CERS6: variants seen among roughly 807,000 people sequenced by gnomAD.
CERS6 encodes ceramide synthase 6.
CERS6 carries 26 observed loss-of-function variants against 56.8 expected under a neutral mutation model. The ratio of observed to expected loss-of-function variants is 0.46; its 90% CI spans 0.34 to 0.63. CERS6 has a LOEUF of 0.63. Ranked by LOEUF, CERS6 falls within the 30% of genes least tolerant of loss-of-function variation. CERS6 has a pLI of 0.01. For synonymous variants in CERS6, 164 were observed against 173.3 expected (o/e 0.95, Z 0.42); for missense variants, 415 against 467.5 (o/e 0.89, Z 1.04).
At chr2:168,552,696 T>C (rs1695598156) in intron 2 of CERS6, among the ~76,000 whole-genome samples, 1 of 151,964 alleles carries the variant, frequency 6.6e-6, no homozygotes, top group African/African-American at 2.4e-5. Flanking sequence ...GAGGGACACA[T>C]AAAGCCACGT....
intron 3 of CERS6, among the ~76,000 whole-genome samples, chr2:168,622,464 C>T (rs5006439): frequency 0.31 from 47,744 of 151,622 alleles, 8,209 homozygotes; most frequent in South Asian, 0.47. Context: ...GTGTTTAAAA[C>T]ACTACATATA....
intron 1 of CERS6, among the ~76,000 whole-genome samples, chr2:168,511,692 T>C (rs1240707046): frequency 6.6e-6 from 1 of 152,230 alleles, no homozygotes; most frequent in African/African-American, 2.4e-5. Context: ...TGTTGGAACT[T>C]CTCAATTAAT....
chr2:168,757,011 C>G (rs1684432881), intron 8 of CERS6, among the ~76,000 whole-genome samples: 1 of 152,086 alleles, frequency 6.6e-6, no homozygotes, highest in Non-Finnish European at 1.5e-5. Context: ...TAAGTATTAA[C>G]TAGTATTAAT....
At chr2:168,548,440 C>T (rs1300911924) in intron 2 of CERS6, among the ~76,000 whole-genome samples, 1 of 152,130 alleles carries the variant, frequency 6.6e-6, no homozygotes, top group Non-Finnish European at 1.5e-5. Flanking sequence ...AGTTGAAGGC[C>T]ATAGGAAAAT....
chr2:168,550,744 A>G (rs183243286), intron 2 of CERS6, among the ~76,000 whole-genome samples: 1 of 152,208 alleles, frequency 6.6e-6, no homozygotes, highest in African/African-American at 2.4e-5. Context: ...GTGCATTGCA[A>G]CCTCTATGCC....
intron 2 of CERS6, among the ~76,000 whole-genome samples, chr2:168,553,414 A>G (rs1695613311): frequency 6.6e-6 from 1 of 152,212 alleles, no homozygotes; most frequent in Admixed American, 6.5e-5. Flanking sequence ...CTAAAACTTA[A>G]CATTGTTAAA....
chr2:168,542,449 T>C (rs1324842796), intron 1 of CERS6, among the ~76,000 whole-genome samples: 1 of 152,216 alleles, frequency 6.6e-6, no homozygotes, highest in African/African-American at 2.4e-5. Context: ...GAGATTTAAT[T>C]CTATACAATT....
At chr2:168,489,190 A>G (rs959257602) in intron 1 of CERS6, among the ~76,000 whole-genome samples, 1 of 151,924 alleles carries the variant, frequency 6.6e-6, no homozygotes, top group African/African-American at 2.4e-5. Context: ...AGGTTGGTGG[A>G]TTTTTTTCCT....
intron 4 of CERS6, among the ~76,000 whole-genome samples, chr2:168,650,435 A>G (rs917864275): frequency 5.9e-5 from 9 of 152,214 alleles, no homozygotes; most frequent in Non-Finnish European, 1.2e-4. Context: ...TGCTCTGAAC[A>G]TTGAGAGTGG....
intron 8 of CERS6, among the ~76,000 whole-genome samples, chr2:168,744,247 C>G (rs1418053516): frequency 6.6e-6 from 1 of 152,012 alleles, no homozygotes; most frequent in Non-Finnish European, 1.5e-5. Flanking sequence ...CCTCATGATC[C>G]GCCCACCTCG....
chr2:168,458,920 CCTT>C (rs1395432510), intron 1 of CERS6, among the ~76,000 whole-genome samples: 2 of 152,186 alleles, frequency 1.3e-5, no homozygotes, highest in Non-Finnish European at 2.9e-5. Flanking sequence ...CAACCTGTGA[CCTT>C]CATCTCAGTA....
intron 1 of CERS6, among the ~76,000 whole-genome samples, chr2:168,530,668 T>A (rs1695150454): frequency 6.6e-6 from 1 of 152,176 alleles, no homozygotes; most frequent in Admixed American, 6.5e-5. Flanking sequence ...TAATGAAATA[T>A]CTTAAGTCTA....
intron 4 of CERS6, among the ~76,000 whole-genome samples, chr2:168,664,463 G>GA (rs1217071197): frequency 6.6e-6 from 1 of 152,216 alleles, no homozygotes; most frequent in Non-Finnish European, 1.5e-5. Flanking sequence ...TGAGTCCACA[G>GA]TGCAAAGTGA....
chr2:168,668,748 C>G (rs548741615), intron 4 of CERS6, among the ~76,000 whole-genome samples: 2 of 152,298 alleles, frequency 1.3e-5, no homozygotes, highest in East Asian at 3.9e-4. Context: ...GCCACCATGC[C>G]AGGCTGCAAC....
chr2:168,703,607 T>C (rs377333552), intron 6 of CERS6, among the ~76,000 whole-genome samples: 2 of 152,032 alleles, frequency 1.3e-5, no homozygotes, highest in African/African-American at 4.8e-5. Context: ...TGCCTCACAT[T>C]GCATCAGCAT....
At chr2:168,692,259 A>G (rs1686524497) in intron 5 of CERS6, among the ~76,000 whole-genome samples, 1 of 152,168 alleles carries the variant, frequency 6.6e-6, no homozygotes, top group Admixed American at 6.6e-5. Context: ...ACTGCTGTTT[A>G]CCGTACTTGG....
intron 1 of CERS6, among the ~76,000 whole-genome samples, chr2:168,464,450 C>T (rs927227812): frequency 2.6e-5 from 4 of 152,040 alleles, no homozygotes; most frequent in Non-Finnish European, 5.9e-5. Context: ...CATAAGCCAC[C>T]GCACCTGGCC....
chr2:168,643,049 A>G (rs559584640), intron 4 of CERS6, among the ~76,000 whole-genome samples: 1 of 152,330 alleles, frequency 6.6e-6, no homozygotes, highest in Non-Finnish European at 1.5e-5. Flanking sequence ...GAATGGGCGG[A>G]GGTAATAACT....
In CERS6 at chr2:168,698,120, A is replaced by G. The variant is rs1686706076; in HGVS notation, c.609+3069A>G. On this transcript the variant is annotated intron_variant, in intron 6 of 9. Transcript: ENST00000305747. ...AGACCAGCCTGAGCAACATGACGAA[A>G]CCCTGTCTGTATAAAATATACAAAA... Among the ~76,000 whole-genome samples the G allele has an allele frequency of 1.3e-5, 2 of 151,870 alleles. 1 individual carries two copies. Among genetic ancestry groups the G allele is most frequent in the Admixed American group, 1.3e-4 (2 of 15,212 alleles).
Sources: allele counts gnomAD v4.1 joint callset (sites outside exome capture counted in the v4.1 genomes callset), GRCh38; gene constraint gnomAD v4.1.1; transcripts MANE v1.5; gene names NCBI Gene and HGNC (gene_info 2026-07-23, HGNC 2026-07-21).